CAMK1D: variants seen among roughly 807,000 people sequenced by gnomAD.
The protein encoded by CAMK1D is calcium/calmodulin-dependent protein kinase type 1D.
Under a neutral mutation model 47.7 loss-of-function variants are expected in CAMK1D, and 9 were observed. The ratio of observed to expected loss-of-function variants is 0.19; its 90% CI spans 0.11 to 0.33. The LOEUF is 0.33. CAMK1D is among the 10% of genes least tolerant of loss of function. The pLI is 1.00. For missense variants in CAMK1D, 291 were observed against 488.7 expected (o/e 0.60, Z 3.81); for synonymous variants, 184 against 184.9 (o/e 0.99, Z 0.04).
In CAMK1D at chr10:12,549,172, C is replaced by T. The variant is rs931145861; in HGVS notation, c.93-4053C>T. Among the ~76,000 whole-genome samples the T allele has an allele frequency of 5.6e-4, 86 of 152,214 alleles. 1 individual carries two copies. The highest frequency in any genetic ancestry group is 5.6e-3 in the Admixed American group (85 of 15,284). On this transcript the variant is annotated intron_variant, in intron 1 of 10. Transcript: ENST00000619168. The stretch of plus-strand genomic sequence containing the variant: ...TGCCTGGCTTCCAGATCCTTTTCAT[C>T]TTCCCAAATGGAAACTCCGTCCCCA...
chr10:12,801,354 T>TATCTATCTAATCTATCTATCTATCTATC (rs57429397), intron 6 of CAMK1D, among the ~76,000 whole-genome samples: 2 of 66,490 alleles, frequency 3.0e-5, no homozygotes, highest in East Asian at 5.0e-4. Flanking sequence ...TCTATCTATC[T>TATCTATCTAATCTATCTATCTATCTATC]TATCTATCTA....
chr10:12,466,647 G>A (rs1346648387), intron 1 of CAMK1D, among the ~76,000 whole-genome samples: 1 of 142,810 alleles, frequency 7.0e-6, no homozygotes, highest in Non-Finnish European at 1.5e-5. Context: ...GGTGTTATTT[G>A]TAAGTAACAG....
intron 1 of CAMK1D, among the ~76,000 whole-genome samples, chr10:12,530,640 G>A (rs1006162186): frequency 2.6e-5 from 4 of 152,172 alleles, no homozygotes; most frequent in African/African-American, 9.7e-5. Flanking sequence ...GTCTTCCCGT[G>A]GCCTCGGGGT....
In CAMK1D at chr10:12,437,166, A is replaced by ATCTGTCCG. The variant is rs1365018135; in HGVS notation, c.92+87263_92+87264insGTCTGTCC. ...CTATCTATCTGTCTATCTATCATCT[A>ATCTGTCCG]TCTGTCCATCTGTCTGTCTGTCTGT... On this transcript the variant is annotated intron_variant, in intron 1 of 10. Transcript: ENST00000619168. 2.7e-5 allele frequency among the ~76,000 whole-genome samples: 4 copies of ATCTGTCCG among 150,896 alleles called. 1 individual carries two copies. The highest frequency in any genetic ancestry group is 1.3e-4 in the Admixed American group (2 of 15,204).
At chr10:12,822,584 T>C (rs781423783) in intron 8 of CAMK1D, among the ~76,000 whole-genome samples, 24 of 152,190 alleles carry the variant, frequency 1.6e-4, no homozygotes, top group Non-Finnish European at 1.5e-5. Flanking sequence ...GCCTGTTTGC[T>C]TTGGAGCCTG....
chr10:12,711,678 A>C (rs917469717), intron 3 of CAMK1D, among the ~76,000 whole-genome samples: 1 of 152,170 alleles, frequency 6.6e-6, no homozygotes, highest in Non-Finnish European at 1.5e-5. Flanking sequence ...AATATGAGGC[A>C]GGGAAGGACG....
At chr10:12,511,933 G>A (rs1195700387) in intron 1 of CAMK1D, among the ~76,000 whole-genome samples, 1 of 152,254 alleles carries the variant, frequency 6.6e-6, no homozygotes, top group African/African-American at 2.4e-5. Context: ...ATGCCGTGAA[G>A]AAGCTGAACG....
chr10:12,801,255 ATCCATCTG>A (rs752726454), intron 6 of CAMK1D, among the ~76,000 whole-genome samples: 39 of 142,390 alleles, frequency 2.7e-4, no homozygotes, highest in Non-Finnish European at 4.6e-4. Flanking sequence ...CCATCCATCC[ATCCATCTG>A]TCCGTCCATC....
chr10:12,403,157 A>G (rs1423095783), intron 1 of CAMK1D, among the ~76,000 whole-genome samples: 2 of 152,236 alleles, frequency 1.3e-5, no homozygotes, highest in Non-Finnish European at 2.9e-5. Context: ...AGAAGCCCTA[A>G]TGATGCGATC....
At chr10:12,454,527 A>G (rs1833184986) in intron 1 of CAMK1D, among the ~76,000 whole-genome samples, 1 of 151,810 alleles carries the variant, frequency 6.6e-6, no homozygotes, top group Non-Finnish European at 1.5e-5. Context: ...GCCGTGGCAC[A>G]GCATAGCTCA....
chr10:12,646,638 A>G (rs1564465460), intron 2 of CAMK1D, among the ~76,000 whole-genome samples: 1 of 152,150 alleles, frequency 6.6e-6, no homozygotes, highest in African/African-American at 2.4e-5. Flanking sequence ...TAGTCCACAT[A>G]AGATATTGAA....
chr10:12,674,804 C>T (rs1055952438), intron 3 of CAMK1D, among the ~76,000 whole-genome samples: 14 of 151,224 alleles, frequency 9.3e-5, no homozygotes, highest in South Asian at 2.1e-4. Flanking sequence ...GAGGCTGAGG[C>T]GGGTGGATCA....
In CAMK1D at chr10:12,833,843, T is replaced by C. The variant is rs902476809; in HGVS notation, c.*4956T>C. ...CTTCTGAAACTGTACTTCTTCCCTA[T>C]TCTGTCTACCCACACTCTGCGAACT... On this transcript the variant is annotated 3_prime_UTR_variant, in exon 11 of 11. Transcript: ENST00000619168. 2.6e-5 allele frequency: 4 copies of C among 151,406 alleles called. No homozygotes were observed. The East Asian group carries it at 7.8e-4, about 29-fold the overall frequency. The allele number at this position is 151,406 out of a possible 1,614,324, so 9.4% of individuals were successfully genotyped here.
At chr10:12,616,739 G>C (rs1208503953) in intron 2 of CAMK1D, among the ~76,000 whole-genome samples, 1 of 152,090 alleles carries the variant, frequency 6.6e-6, no homozygotes, top group Non-Finnish European at 1.5e-5. Flanking sequence ...GGATGGTCTC[G>C]ATCTCCTGAC....
At chr10:12,515,997 C>T (rs1835199830) in intron 1 of CAMK1D, among the ~76,000 whole-genome samples, 2 of 152,176 alleles carry the variant, frequency 1.3e-5, no homozygotes, top group East Asian at 1.9e-4. Flanking sequence ...TCATCCATGT[C>T]GTTGCATGTA....
chr10:12,528,736 C>CTTT (rs34250007), intron 1 of CAMK1D, among the ~76,000 whole-genome samples: 67,275 of 137,434 alleles, frequency 0.49, 16,715 homozygotes, highest in South Asian at 0.68. Flanking sequence ...AAATCCTCAT[C>CTTT]TTTTTTTTTT....
At chr10:12,648,509 C>T (rs1384954429) in intron 2 of CAMK1D, among the ~76,000 whole-genome samples, 1 of 152,142 alleles carries the variant, frequency 6.6e-6, no homozygotes, top group Non-Finnish European at 1.5e-5. Context: ...TTCGCTCTTT[C>T]ATCTAGGCTG....
chr10:12,509,616 T>A (rs777121918), intron 1 of CAMK1D, among the ~76,000 whole-genome samples: 2 of 152,078 alleles, frequency 1.3e-5, no homozygotes, highest in Non-Finnish European at 2.9e-5. Context: ...CCAGGTGTGG[T>A]GGTGCATGTC....
intron 5 of CAMK1D, among the ~76,000 whole-genome samples, chr10:12,782,922 G>A (rs998856272): frequency 6.6e-6 from 1 of 151,932 alleles, no homozygotes; most frequent in Non-Finnish European, 1.5e-5. Flanking sequence ...CCTGTCCTCT[G>A]ATTCCATGCT....
Sources: gnomAD v4.1 joint callset for allele counts (sites outside exome capture counted in the v4.1 genomes callset) on GRCh38, gnomAD v4.1.1 for gene constraint, MANE v1.5 for transcripts, NCBI Gene and HGNC (gene_info 2026-07-23, HGNC 2026-07-21) for gene names.